AIG1: variants seen among roughly 807,000 people sequenced by gnomAD.
AIG1 encodes the protein androgen-induced gene 1 protein.
In AIG1, 23 loss-of-function variants were observed where a neutral mutation model predicts 31.4. That is an observed-to-expected ratio of 0.73 (90% CI 0.53 to 1.04). The LOEUF is 1.04. AIG1 is among the 50% of genes least tolerant of loss of function. The pLI, the probability that AIG1 is intolerant of heterozygous loss-of-function variation, is 0.00. For synonymous variants in AIG1, 100 were observed against 110.5 expected (o/e 0.90, Z 0.60); for missense variants, 274 against 295.0 (o/e 0.93, Z 0.52).
At chr6:143,187,925 C>G in intron 3 of AIG1, 1 of 1,328,622 alleles carries the variant, frequency 7.5e-7, no homozygotes, top group Non-Finnish European at 9.6e-7. Flanking sequence ...AATTTTTAAC[C>G]TCCATAAGGA....
intron 3 of AIG1, among the ~76,000 whole-genome samples, chr6:143,226,234 C>CTATATA (rs139363562): frequency 1.6e-4 from 23 of 145,842 alleles, no homozygotes; most frequent in South Asian, 2.2e-4. Context: ...TTCTTCTTAA[C>CTATATA]TATATATATA....
chr6:143,343,413 G>A (rs1777895999), downstream of AIG1: 7 of 515,622 alleles, frequency 1.4e-5, no homozygotes, highest in Admixed American at 6.4e-5. Flanking sequence ...CGGTGCACCT[G>A]TCTTGTCCTG....
In AIG1 at chr6:143,280,251, A is replaced by T. The variant is rs1460907696; in HGVS notation, c.400-3859A>T. ...CAGATGCTGGTGAGGTTGCGAAGAAAAGGGAACACTTATACACTGTTGGTG... is the reference window on the plus strand; with the variant it reads ...CAGATGCTGGTGAGGTTGCGAAGAATAGGGAACACTTATACACTGTTGGTG... On this transcript the variant is annotated intron_variant, in intron 3 of 5. Transcript: ENST00000357847. This position sits in a 1 kb window ranked among gnomAD's most constrained non-coding sequence, Gnocchi z 4.1. Among the ~76,000 whole-genome samples, 1 of 152,232 alleles carries T rather than the reference A, an allele frequency of 6.6e-6. No individual in the cohort carries two copies. The highest frequency in any genetic ancestry group is 2.4e-5 in the African/African-American group (1 of 41,466).
intron 1 of AIG1, among the ~76,000 whole-genome samples, chr6:143,117,826 A>G (rs1390614224): frequency 5.9e-5 from 9 of 152,164 alleles, no homozygotes; most frequent in Admixed American, 1.3e-4. Flanking sequence ...TTCTGGGAAA[A>G]TGTGGTACCT....
At chr6:143,335,132 C>T (rs745752515) in intron 5 of AIG1, 15 of 1,410,608 alleles carry the variant, frequency 1.1e-5, no homozygotes, top group Non-Finnish European at 1.3e-5. Flanking sequence ...AAGTATCATC[C>T]TCATTTACAA....
At chr6:143,145,180 A>G (rs987355122) in intron 2 of AIG1, among the ~76,000 whole-genome samples, 1 of 152,090 alleles carries the variant, frequency 6.6e-6, no homozygotes, top group African/African-American at 2.4e-5. Flanking sequence ...GTGTGCCACC[A>G]TGCGTGGCTA....
chr6:143,149,886 A>C (rs1785049108), intron 2 of AIG1, among the ~76,000 whole-genome samples: 1 of 152,240 alleles, frequency 6.6e-6, no homozygotes, highest in Non-Finnish European at 1.5e-5. Flanking sequence ...CCTTTAAAAA[A>C]TTGGTTGCAA....
intron 1 of AIG1, among the ~76,000 whole-genome samples, chr6:143,064,553 G>A (rs988660174): frequency 1.3e-5 from 2 of 152,196 alleles, no homozygotes; most frequent in East Asian, 3.8e-4. Flanking sequence ...TCAATTGATA[G>A]TAATTGGTTA....
In AIG1 at chr6:143,334,651, T is replaced by G. The variant is rs1234493317; in HGVS notation, c.679+1206T>G. 6.6e-6 allele frequency among the ~76,000 whole-genome samples: 1 copy of G among 152,242 alleles called. No homozygotes were observed. Among genetic ancestry groups the G allele is most frequent in the African/African-American group, 2.4e-5 (1 of 41,460 alleles). ...CACCTGTTCAATGGAAATAGTGATC[T>G]TTCTCCATTAATTTACAGAAGTATT... On this transcript the variant is annotated intron_variant, in intron 5 of 5. Coordinates refer to ENST00000357847, the MANE Select transcript of AIG1 (RefSeq NM_016108.4). This position sits in a 1 kb window ranked among gnomAD's most constrained non-coding sequence, Gnocchi z 5.1.
intron 1 of AIG1, among the ~76,000 whole-genome samples, chr6:143,122,072 G>T (rs1346433678): frequency 3.3e-5 from 5 of 152,082 alleles, no homozygotes; most frequent in Non-Finnish European, 4.4e-5. Flanking sequence ...AGCTCTTAGT[G>T]CTATTTCTTC....
At chr6:143,176,618 G>T (rs981790971) in intron 3 of AIG1, among the ~76,000 whole-genome samples, 2 of 152,200 alleles carry the variant, frequency 1.3e-5, no homozygotes, top group African/African-American at 4.8e-5. Flanking sequence ...CAGGTCACCA[G>T]GGAAGTGAGG....
chr6:143,090,002 C>A (rs1317957371), intron 1 of AIG1, among the ~76,000 whole-genome samples: 2 of 152,166 alleles, frequency 1.3e-5, no homozygotes, highest in Non-Finnish European at 2.9e-5. Context: ...TAATAAATGT[C>A]TATTATTCTA....
intron 3 of AIG1, among the ~76,000 whole-genome samples, chr6:143,262,172 A>T (rs1426228418): frequency 6.6e-6 from 1 of 152,230 alleles, no homozygotes; most frequent in Non-Finnish European, 1.5e-5. Context: ...TAGCAAAATC[A>T]TCTCTATATT....
chr6:143,297,278 A>G lies in AIG1; in HGVS notation c.515+13053A>G, dbSNP rs546500297. The stretch of plus-strand genomic sequence containing the variant: ...GCCTAGAAGCAACGGAGAGGAAACC[A>G]TAGTCAGGGAGCCAAAGCAGTTCAG... On this transcript the variant is annotated intron_variant, in intron 4 of 5. Transcript: ENST00000357847. This position sits in a 1 kb window ranked among gnomAD's most constrained non-coding sequence, Gnocchi z 5.1. Among the ~76,000 whole-genome samples, 190 of 152,346 alleles carry G rather than the reference A, an allele frequency of 1.2e-3. No homozygotes were observed. Among genetic ancestry groups the G allele is most frequent in the African/African-American group, 4.5e-3 (185 of 41,572 alleles).
chr6:143,239,626 TACC>T lies in AIG1; in HGVS notation c.400-44483_400-44481del, dbSNP rs779824729. On this transcript the variant is annotated intron_variant, in intron 3 of 5. Transcript: ENST00000357847. The stretch of plus-strand genomic sequence containing the variant: ...GCTTCCACATCCATGTTTATAAGTC[TACC>T]TTACTCAGTAAACTTCTCCCCCTTC... Among the ~76,000 whole-genome samples, 5 of 152,358 alleles carry T rather than the reference TACC, an allele frequency of 3.3e-5. No individual in the cohort carries two copies. In the East Asian group the frequency reaches 9.6e-4, roughly 29 times the overall value.
intron 1 of AIG1, among the ~76,000 whole-genome samples, chr6:143,119,428 G>A (rs2128498764): frequency 6.6e-6 from 1 of 152,256 alleles, no homozygotes; most frequent in Non-Finnish European, 1.5e-5. Flanking sequence ...TGAATTGTGG[G>A]TAATAAACAC....
At chr6:143,135,018 G>A (rs1027804061) in intron 1 of AIG1, among the ~76,000 whole-genome samples, 3 of 152,250 alleles carry the variant, frequency 2.0e-5, no homozygotes, top group African/African-American at 7.2e-5. Flanking sequence ...AAGTTGAGGA[G>A]CATCTGTAGA....
At position 143,227,312 on chromosome 6, in the gene AIG1, A is replaced by G. The variant is rs375204349; in HGVS notation, c.400-56798A>G. Among the ~76,000 whole-genome samples the G allele has an allele frequency of 2.6e-3, 403 of 152,298 alleles. 2 individuals carry two copies. Among genetic ancestry groups the G allele is most frequent in the African/African-American group, 9.3e-3 (387 of 41,570 alleles). ...TTGAGAATGGGATTGGAAACAGCCC[A>G]GCAGGGTCCTGTGTGGAGTATGCTG... On this transcript the variant is annotated intron_variant, in intron 3 of 5. Coordinates refer to ENST00000357847, the MANE Select transcript of AIG1 (RefSeq NM_016108.4).
intron 3 of AIG1, among the ~76,000 whole-genome samples, chr6:143,237,553 C>T (rs1218592991): frequency 6.6e-6 from 1 of 152,106 alleles, no homozygotes; most frequent in Non-Finnish European, 1.5e-5. Context: ...GTATGTATTA[C>T]CAATATTTAG....
Sources: allele counts gnomAD v4.1 joint callset (sites outside exome capture counted in the v4.1 genomes callset), GRCh38; gene constraint gnomAD v4.1.1; non-coding constraint Gnocchi (gnomAD v3.1); transcripts MANE v1.5; gene names NCBI Gene and HGNC (gene_info 2026-07-23, HGNC 2026-07-21).